Variants in PDE4D observed in about 807,000 individuals in gnomAD.
The protein encoded by PDE4D is 3',5'-cyclic-AMP phosphodiesterase 4D.
In PDE4D, 24 loss-of-function variants were observed where a neutral mutation model predicts 87.4. That is an observed-to-expected ratio of 0.27 (90% confidence interval 0.20 to 0.39). The LOEUF (loss-of-function observed/expected upper bound fraction) is 0.39. PDE4D is among the 10% of genes least tolerant of loss of function. The pLI is 1.00. For synonymous variants in PDE4D, 384 were observed against 383.2 expected, an observed-to-expected ratio of 1.00 and a Z score of -0.02; for missense variants, 714 against 1,041.0, an observed-to-expected ratio of 0.69 and a Z score of 4.32.
intron 1 of PDE4D, among the ~76,000 whole-genome samples, chr5:59,718,910 A>T (rs1166394160): frequency 1.3e-5 from 2 of 152,004 alleles, no homozygotes; most frequent in African/African-American, 4.8e-5. Flanking sequence ...ATTTTTTTTG[A>T]AAAAGTTCTC....
chr5:59,000,667 T>G (rs1326999708), intron 6 of PDE4D, among the ~76,000 whole-genome samples: 3 of 152,114 alleles, frequency 2.0e-5, no homozygotes, highest in African/African-American at 7.2e-5. Context: ...GAACTCAGGA[T>G]CTGTATTTTG....
In PDE4D at chr5:60,209,126, C is replaced by T. The variant is rs369235777; in HGVS notation, c.-89-23439G>A. Among the ~76,000 whole-genome samples the T allele has an allele frequency of 3.3e-5, 5 of 151,402 alleles. No homozygotes were observed. In the East Asian group the frequency reaches 5.8e-4, roughly 18 times the overall value. ...GAAACCTCTATGTACAGTCAAATAA[C>T]ATTGCCAGCAAGCCCTTAGAAATCC... On this transcript the variant is annotated intron_variant, in intron 1 of 16. Coordinates refer to the PDE4D transcript ENST00000502484.
intron 1 of PDE4D, among the ~76,000 whole-genome samples, chr5:59,757,929 A>C (rs1470661254): frequency 6.6e-6 from 1 of 152,204 alleles, no homozygotes; most frequent in Non-Finnish European, 1.5e-5. Context: ...ACTTCTATAC[A>C]AGCCACATGT....
At chr5:60,326,190 T>G (rs78140783) in intron 1 of PDE4D, among the ~76,000 whole-genome samples, 4,449 of 152,054 alleles carry the variant, frequency 0.029, 197 homozygotes, top group African/African-American at 0.1. Flanking sequence ...TGCCCAGGAG[T>G]GCATTTACTG....
chr5:60,205,856 C>T (rs1742453091), intron 1 of PDE4D, among the ~76,000 whole-genome samples: 1 of 152,068 alleles, frequency 6.6e-6, no homozygotes, highest in Non-Finnish European at 1.5e-5. Flanking sequence ...CACTGCACTC[C>T]AACCTGGGCA....
chr5:59,976,731 G>C (rs1761374809), intron 3 of PDE4D, among the ~76,000 whole-genome samples: 1 of 152,118 alleles, frequency 6.6e-6, no homozygotes. Flanking sequence ...TGGCAATGCT[G>C]CATCAAGCAA....
intron 1 of PDE4D, among the ~76,000 whole-genome samples, chr5:60,468,408 G>A (rs1747556500): frequency 6.6e-6 from 1 of 151,848 alleles, no homozygotes; most frequent in South Asian, 2.1e-4. Context: ...CAAAATGCAG[G>A]GATTACAGGC....
chr5:60,408,074 C>T (rs570591883), intron 1 of PDE4D, among the ~76,000 whole-genome samples: 3 of 152,226 alleles, frequency 2.0e-5, no homozygotes, highest in East Asian at 1.9e-4. Flanking sequence ...CTAAGCCACA[C>T]GGAGCCATCC....
chr5:59,434,311 T>A (rs1796503343), intron 1 of PDE4D, among the ~76,000 whole-genome samples: 1 of 149,592 alleles, frequency 6.7e-6, no homozygotes, highest in Non-Finnish European at 1.5e-5. Flanking sequence ...CCTAAAGAAG[T>A]CTCATCTTTA....
chr5:60,498,166 GCA>G (rs34436235), intron 1 of PDE4D, among the ~76,000 whole-genome samples: 24,014 of 143,626 alleles, frequency 0.17, 2,616 homozygotes, highest in African/African-American at 0.32. Flanking sequence ...ACACACACAT[GCA>G]CACACACACA....
intron 2 of PDE4D, among the ~76,000 whole-genome samples, chr5:59,207,745 A>T (rs146017758): frequency 3.7e-4 from 57 of 152,134 alleles, no homozygotes; most frequent in African/African-American, 1.3e-3. Context: ...AAATGTATTA[A>T]ATCTGATGTA....
chr5:59,573,114 C>T (rs935007167), intron 1 of PDE4D, among the ~76,000 whole-genome samples: 6 of 152,102 alleles, frequency 3.9e-5, no homozygotes, highest in African/African-American at 1.4e-4. Flanking sequence ...CTTTACATTC[C>T]ATCTTGCATA....
At chr5:59,306,614 T>C (rs1258635185) in intron 1 of PDE4D, among the ~76,000 whole-genome samples, 1 of 152,166 alleles carries the variant, frequency 6.6e-6, no homozygotes, top group East Asian at 1.9e-4. Context: ...TCACAATTGC[T>C]TCAAAGAGAA....
chr5:59,666,218 TC>T (rs1389999968), intron 1 of PDE4D, among the ~76,000 whole-genome samples: 3 of 152,088 alleles, frequency 2.0e-5, no homozygotes, highest in South Asian at 2.1e-4. Context: ...GCCTCGGCCT[TC>T]CAAAGTGCTG....
intron 2 of PDE4D, among the ~76,000 whole-genome samples, chr5:60,133,625 C>T (rs1031402460): frequency 5.3e-5 from 8 of 152,146 alleles, no homozygotes; most frequent in African/African-American, 1.9e-4. Context: ...TAGATGCTAG[C>T]TAATATTAAT....
chr5:59,732,757 A>G (rs1212389723), intron 1 of PDE4D, among the ~76,000 whole-genome samples: 1 of 152,142 alleles, frequency 6.6e-6, no homozygotes, highest in African/African-American at 2.4e-5. Context: ...TAAATAATGA[A>G]ATCTGTTTAA....
intron 2 of PDE4D, among the ~76,000 whole-genome samples, chr5:60,153,612 A>G (rs927721932): frequency 2.0e-5 from 3 of 152,232 alleles, no homozygotes; most frequent in African/African-American, 7.2e-5. Context: ...AAGATATAGT[A>G]TCAAACTACA....
At chr5:59,486,329 A>G (rs577227098) in intron 1 of PDE4D, among the ~76,000 whole-genome samples, 1 of 152,250 alleles carries the variant, frequency 6.6e-6, no homozygotes, top group South Asian at 2.1e-4. Flanking sequence ...TAATGCCACA[A>G]TAGACTTCCC....
At chr5:59,056,536 G>A (rs10045150) in intron 5 of PDE4D, among the ~76,000 whole-genome samples, 97,888 of 151,806 alleles carry the variant, frequency 0.64, 31,840 homozygotes, top group East Asian at 0.87. Flanking sequence ...GCACCCATCA[G>A]CCCAAACTAG....
Sources: gnomAD v4.1 joint callset for allele counts (sites outside exome capture counted in the v4.1 genomes callset) on GRCh38, gnomAD v4.1.1 for gene constraint, MANE v1.5 for transcripts, NCBI Gene and HGNC (gene_info 2026-07-23, HGNC 2026-07-21) for gene names.